The following XKR7 variants were observed in gnomAD, a reference collection of about 807,000 sequenced individuals.
XKR7 encodes the protein XK-related protein 7.
XKR7 carries 11 observed loss-of-function variants against 42.2 expected under a neutral mutation model. That is an observed-to-expected ratio of 0.26 (90% CI 0.16 to 0.43). The LOEUF is 0.43. Ranked by LOEUF, XKR7 falls within the 20% of genes least tolerant of loss-of-function variation. The probability of loss-of-function intolerance (pLI) is 1.00; values close to 1 mark genes in which losing one functional copy is unlikely to be tolerated. For synonymous variants in XKR7, 346 were observed against 366.4 expected (o/e 0.94, Z 0.64); for missense variants, 710 against 802.2 (o/e 0.89, Z 1.39).
In XKR7 at chr20:32,002,408, G is replaced by A. The variant is rs980589296; in HGVS notation, c.*4951G>A. The stretch of plus-strand genomic sequence containing the variant: ...TACAGAAGGTGCCAGGGGGGAAAAG[G>A]TGATTCCTCCATCTCTCTCTCACCC... On this transcript the variant is annotated 3_prime_UTR_variant, in exon 3 of 3. Transcript: ENST00000562532. 6.6e-6 allele frequency: 1 copy of A among 152,152 alleles called. No homozygotes were observed. The highest frequency in any genetic ancestry group is 2.4e-5 in the African/African-American group (1 of 41,426). The allele number at this position is 152,152 out of a possible 1,614,324, so 9.4% of individuals were successfully genotyped here.
At chr20:31,980,036 C>T (rs2064504401) in intron 1 of XKR7, among the ~76,000 whole-genome samples, 1 of 149,298 alleles carries the variant, frequency 6.7e-6, no homozygotes, top group South Asian at 2.1e-4. Flanking sequence ...GGGACGCTGG[C>T]TGGGAGCTGA....
At chr20:31,983,789 AT>A (rs2064524710) in intron 1 of XKR7, among the ~76,000 whole-genome samples, 1 of 152,170 alleles carries the variant, frequency 6.6e-6, no homozygotes, top group African/African-American at 2.4e-5. Flanking sequence ...TCTACTAAAA[AT>A]ACAAAAATTA....
intron 1 of XKR7, chr20:31,970,072 C>T (rs1380340312): frequency 1.3e-5 from 2 of 152,190 alleles, no homozygotes; most frequent in Non-Finnish European, 2.9e-5. Flanking sequence ...TTCCACTTAG[C>T]TTATCCTGGA....
At chr20:31,979,447 C>G (rs2064501194) in intron 1 of XKR7, among the ~76,000 whole-genome samples, 1 of 152,100 alleles carries the variant, frequency 6.6e-6, no homozygotes, top group African/African-American at 2.4e-5. Flanking sequence ...AGATTTTCCC[C>G]TTGTTTTTCT....
Position 31,968,838 on chromosome 20 carries a change from C to T in XKR7, c.584+79C>T. 1 of 1,432,656 alleles carries T rather than the reference C, an allele frequency of 7.0e-7. No individual in the cohort carries two copies. Among genetic ancestry groups the T allele is most frequent in the Non-Finnish European group, 9.1e-7 (1 of 1,097,516 alleles). The allele number at this position is 1,432,656 out of a possible 1,614,324, so 88.7% of individuals were successfully genotyped here. A position where few individuals can be genotyped will look rare whatever the true frequency, so the allele number is the denominator to read the frequency against. ...GGCTACCTGACGTCCCAGCCCTGAT[C>T]TGACCTTTCCGGGCTACCCTCCTGT... On this transcript the variant is annotated intron_variant, in intron 1 of 2. Transcript: ENST00000562532. The surrounding 1 kb of genome is among the most constrained non-coding windows in gnomAD (Gnocchi z 4.5).
Position 31,983,674 on chromosome 20 carries a change from C to T in XKR7, c.585-11394C>T, listed in dbSNP as rs141652802. On this transcript the variant is annotated intron_variant, in intron 1 of 2. Coordinates refer to ENST00000562532, the MANE Select transcript of XKR7 (RefSeq NM_001011718.2). ...TTTTAAAAGTAGTGGGGGCCGGGCA[C>T]GGTGGCTTATGCCTGTAATCCTAGC... 1.5e-3 allele frequency among the ~76,000 whole-genome samples: 221 copies of T among 152,236 alleles called. 2 individuals carry two copies. Among genetic ancestry groups the T allele is most frequent in the East Asian group, 3.7e-3 (19 of 5,180 alleles).
intron 1 of XKR7, among the ~76,000 whole-genome samples, chr20:31,985,959 CACAGACAG>C (rs57585644): frequency 5.4e-5 from 4 of 74,416 alleles, no homozygotes; most frequent in Admixed American, 2.6e-4. Flanking sequence ...AGCATCCAGA[CACAGACAG>C]ACAGACAGAC....
intron 1 of XKR7, among the ~76,000 whole-genome samples, chr20:31,977,991 G>A (rs941375669): frequency 2.0e-5 from 3 of 152,266 alleles, no homozygotes; most frequent in Middle Eastern, 3.4e-3. Context: ...TATGATACTC[G>A]CTTCCATGAT....
At chr20:31,994,841 C>A (rs2064583547) in intron 1 of XKR7, among the ~76,000 whole-genome samples, 2 of 152,210 alleles carry the variant, frequency 1.3e-5, no homozygotes, top group Non-Finnish European at 2.9e-5. Flanking sequence ...GTATTAAAGG[C>A]TTTATTTACT....
At position 31,996,952 on chromosome 20, in the gene XKR7, TCTA is replaced by T. The variant is rs1264316242; in HGVS notation, c.1238_1240del (p.Tyr413del). On this transcript the variant is annotated inframe_deletion, in exon 3 of 3. Coordinates refer to ENST00000562532, the MANE Select transcript of XKR7 (RefSeq NM_001011718.2). ...TCCAGCCGCAACTTCTCAACCGACTTCTACTCGCTCATCATGGTCTGCGTAGTG... is the reference window on the plus strand; with the variant it reads ...TCCAGCCGCAACTTCTCAACCGACTTCTCGCTCATCATGGTCTGCGTAGTG... The T allele has an allele frequency of 6.2e-7, 1 of 1,614,122 alleles. No homozygotes were observed. Among genetic ancestry groups the T allele is most frequent in the East Asian group, 2.2e-5 (1 of 44,878 alleles).
At chr20:31,982,960 C>A (rs576113182) in intron 1 of XKR7, among the ~76,000 whole-genome samples, 3 of 152,222 alleles carry the variant, frequency 2.0e-5, no homozygotes, top group African/African-American at 7.2e-5. Flanking sequence ...TTCACAGCCA[C>A]CCTGTAAATG....
At chr20:31,982,164 C>G (rs2064516215) in intron 1 of XKR7, among the ~76,000 whole-genome samples, 1 of 152,182 alleles carries the variant, frequency 6.6e-6, no homozygotes, top group South Asian at 2.1e-4. Context: ...TTGGGTCTGT[C>G]TTGCACACCA....
intron 1 of XKR7, among the ~76,000 whole-genome samples, chr20:31,990,181 T>TGC (rs764808882): frequency 2.2e-5 from 2 of 89,416 alleles, no homozygotes; most frequent in African/African-American, 3.5e-5. Context: ...ATTCATTGCG[T>TGC]GTGTGTGTGT....
chr20:31,991,581 T>G (rs2122276269), intron 1 of XKR7, among the ~76,000 whole-genome samples: 1 of 152,338 alleles, frequency 6.6e-6, no homozygotes, highest in Non-Finnish European at 1.5e-5. Flanking sequence ...CCCCTGATTC[T>G]GGGATGGCAT....
rs111791089 is a variant in XKR7, at chr20:31,996,341, C to T, written c.788-164C>T. ...CCACACCTCTTCATGGCTCTTGAAG[C>T]TCCCCACCTCCCAGACCTTCCCCAC... On this transcript the variant is annotated intron_variant, in intron 2 of 2. Coordinates refer to ENST00000562532, the MANE Select transcript of XKR7 (RefSeq NM_001011718.2). 7.7e-3 allele frequency among the ~76,000 whole-genome samples: 1,171 copies of T among 152,144 alleles called. 17 individuals are homozygous for T. Among genetic ancestry groups the T allele is most frequent in the African/African-American group, 0.027 (1,107 of 41,494 alleles).
intron 1 of XKR7, among the ~76,000 whole-genome samples, chr20:31,993,111 C>CACACACATACACAT (rs144007726): frequency 6.6e-5 from 10 of 150,580 alleles, no homozygotes; most frequent in Non-Finnish European, 1.3e-4. Context: ...CACACACACA[C>CACACACATACACAT]ACACATACAC....
chr20:31,979,002 G>A (rs2064498479), intron 1 of XKR7, among the ~76,000 whole-genome samples: 1 of 152,004 alleles, frequency 6.6e-6, no homozygotes, highest in South Asian at 2.1e-4. Context: ...GGGCATGGTG[G>A]CACACGCCTG....
chr20:31,979,125 A>G (rs2064499346), intron 1 of XKR7, among the ~76,000 whole-genome samples: 1 of 132,136 alleles, frequency 7.6e-6, no homozygotes, highest in African/African-American at 3.4e-5. Flanking sequence ...ACAGAGTGAG[A>G]CTCTGTCTCA....
In XKR7 at chr20:32,001,810, G is replaced by C. The variant is rs527757859; in HGVS notation, c.*4353G>C. ...CTGGCCCCTGCCACCTTTGGCACCT[G>C]TCTCCCTCCCAGTTCAAGCTGTGGT... On this transcript the variant is annotated 3_prime_UTR_variant, in exon 3 of 3. Coordinates refer to ENST00000562532, the MANE Select transcript of XKR7 (RefSeq NM_001011718.2). 1 of 152,458 alleles carries C rather than the reference G, an allele frequency of 6.6e-6. No homozygotes were observed. The highest frequency in any genetic ancestry group is 1.9e-4 in the East Asian group (1 of 5,188). 9.4% of individuals were successfully genotyped at this position (152,458 alleles called of 1,614,324 possible).
Sources: allele counts gnomAD v4.1 joint callset (sites outside exome capture counted in the v4.1 genomes callset), GRCh38; gene constraint gnomAD v4.1.1; non-coding constraint Gnocchi (gnomAD v3.1); transcripts MANE v1.5; gene names NCBI Gene and HGNC (gene_info 2026-07-23, HGNC 2026-07-21).